Variants in ARHGEF11 observed in about 807,000 individuals in gnomAD.
ARHGEF11 encodes Rho guanine exchange factor (GEF) 11.
Under a neutral mutation model 193.7 loss-of-function variants are expected in ARHGEF11, and 55 were observed. The ratio of observed to expected loss-of-function variants is 0.28; its 90% CI spans 0.23 to 0.36. The LOEUF is 0.36. ARHGEF11 is among the 10% of genes least tolerant of loss of function. ARHGEF11 has a pLI of 1.00. For missense variants in ARHGEF11, 1,723 were observed against 2,005.6 expected (o/e 0.86, Z 2.69); for synonymous variants, 693 against 768.0 (o/e 0.90, Z 1.62).
intron 13 of ARHGEF11, 147 bp downstream of exon 13, chr1:156,963,056 T>A (rs1195672276): frequency 1.5e-6 from 1 of 650,928 alleles, no homozygotes; most frequent in African/African-American, 1.8e-5. Flanking sequence ...ATAGGTTTCA[T>A]CTTCTTGGCT....
At chr1:156,955,669 G>C (rs749850569) in intron 20 of ARHGEF11, 34 bp downstream of exon 20, 2 of 1,543,866 alleles carry the variant, frequency 1.3e-6, no homozygotes, top group Non-Finnish European at 1.8e-6. Context: ...CCTGCCCAAG[G>C]AATGCCCAAG....
chr1:156,948,797 G>A lies in ARHGEF11; in HGVS notation c.1926-299C>T. 1 of 985,452 alleles carries A rather than the reference G, an allele frequency of 1.0e-6. No homozygotes were observed. Among genetic ancestry groups the A allele is most frequent in the Non-Finnish European group, 1.2e-6 (1 of 829,940 alleles). The allele number at this position is 985,452 out of a possible 1,614,324, so 61.0% of individuals were successfully genotyped here. A position where few individuals can be genotyped will look rare whatever the true frequency, so the allele number is the denominator to read the frequency against. ...ATGAAATCTGGGGCTAACAGACTCTGAGTTGTAGTGTGTCCAGAGGCCTGA... is the reference window on the plus strand; with the variant it reads ...ATGAAATCTGGGGCTAACAGACTCTAAGTTGTAGTGTGTCCAGAGGCCTGA... On this transcript the variant is annotated intron_variant, in intron 22 of 40. Coordinates refer to ENST00000368194, the MANE Select transcript of ARHGEF11 (RefSeq NM_198236.3). This position sits in a 1 kb window ranked among gnomAD's most constrained non-coding sequence, Gnocchi z 4.2.
chr1:157,016,560 G>T (rs1417671177), intron 1 of ARHGEF11, among the ~76,000 whole-genome samples: 1 of 152,080 alleles, frequency 6.6e-6, no homozygotes, highest in African/African-American at 2.4e-5. Context: ...CTGTTGTTAG[G>T]TTGTTTGGCG....
At chr1:157,001,538 A>C (rs1294760457) in intron 1 of ARHGEF11, among the ~76,000 whole-genome samples, 1 of 152,202 alleles carries the variant, frequency 6.6e-6, no homozygotes, top group Non-Finnish European at 1.5e-5. Context: ...AACCCCAAGC[A>C]ACAAACTCAA....
In ARHGEF11 at chr1:156,944,074, G is replaced by C; in HGVS notation, c.3096C>G (p.Leu1032=). The change falls in exon 32 of 41, where the codon CTC becomes CTG. Residue 1032 remains leucine (L), a synonymous_variant. Coordinates refer to ENST00000368194, the MANE Select transcript of ARHGEF11 (RefSeq NM_198236.3). ...LDLHVLLLED[L]LVLLQKQDEK... ...CATCCTGTTTCTGTAGCAGCACTAG[G>C]AGGTCCTCCAGCAGCAGCACGTGGA... The C allele has an allele frequency of 6.2e-7, 1 of 1,614,068 alleles. No individual in the cohort carries two copies. Among genetic ancestry groups the C allele is most frequent in the South Asian group, 1.1e-5 (1 of 91,078 alleles).
chr1:156,936,234 C>T, intron 40 of ARHGEF11, 176 bp from the exon 41 acceptor site: 1 of 789,640 alleles, frequency 1.3e-6, no homozygotes, highest in Non-Finnish European at 2.3e-6. Context: ...CCACTTTCAT[C>T]AGCGCCTAAA....
intron 21 of ARHGEF11, among the ~76,000 whole-genome samples, chr1:156,954,540 C>T (rs1659661517): frequency 6.6e-6 from 1 of 152,192 alleles, no homozygotes; most frequent in South Asian, 2.1e-4. Context: ...AGAGAAAAGG[C>T]CTCAGGCTAT....
At chr1:157,016,186 G>T (rs970293018) in intron 1 of ARHGEF11, among the ~76,000 whole-genome samples, 1 of 152,082 alleles carries the variant, frequency 6.6e-6, no homozygotes, top group African/African-American at 2.4e-5. Flanking sequence ...CATGGTCAGC[G>T]AGCAACAAAA....
At chr1:156,998,725 T>C (rs1292082115) in intron 1 of ARHGEF11, among the ~76,000 whole-genome samples, 1 of 152,214 alleles carries the variant, frequency 6.6e-6, no homozygotes, top group Non-Finnish European at 1.5e-5. Context: ...TTATCTAATA[T>C]AGATGCAACC....
intron 7 of ARHGEF11, among the ~76,000 whole-genome samples, chr1:156,975,121 C>T (rs553320680): frequency 2.0e-5 from 3 of 152,330 alleles, no homozygotes; most frequent in Admixed American, 2.0e-4. Context: ...CTATTTTACA[C>T]TCCCACCATC....
Position 156,948,176 on chromosome 1 carries a change from C to G in ARHGEF11, c.2153+5G>C. On this transcript the variant is annotated splice_donor_5th_base_variant and intron_variant, in intron 24 of 40. Transcript: ENST00000368194. This position sits in a 1 kb window ranked among gnomAD's most constrained non-coding sequence, Gnocchi z 4.2. Reference sequence around the variant, plus strand: ...AACAGAGGCACCACCGTGCCCATCACTTACCTGCGGCCCATTTTGGGAGTG... The same window carrying G: ...AACAGAGGCACCACCGTGCCCATCAGTTACCTGCGGCCCATTTTGGGAGTG... 1 of 1,562,198 alleles carries G rather than the reference C, an allele frequency of 6.4e-7. No individual in the cohort carries two copies.
At chr1:156,936,105 C>T (rs768971643) in intron 40 of ARHGEF11, 47 bp from the exon 41 acceptor site, 23 of 1,574,122 alleles carry the variant, frequency 1.5e-5, no homozygotes, top group African/African-American at 5.4e-5. Flanking sequence ...CTGAGGTGAC[C>T]GCTTCCACAT....
In ARHGEF11 at chr1:156,974,457, T is replaced by C. The variant is rs540708899; in HGVS notation, c.582+2526A>G. ...GCCTTCTGATTATTGCATAAATAAT[T>C]ATGCTTTGTTTTGGACTTTAAGAGC... is the stretch of plus-strand genomic sequence containing the variant. On this transcript the variant is annotated intron_variant, in intron 7 of 40. Coordinates refer to ENST00000368194, the MANE Select transcript of ARHGEF11 (RefSeq NM_198236.3). 4.6e-5 allele frequency among the ~76,000 whole-genome samples: 7 copies of C among 152,330 alleles called. No individual in the cohort carries two copies. In the South Asian group the frequency reaches 1.2e-3, roughly 27 times the overall value.
At position 157,044,574 on chromosome 1, in the gene ARHGEF11, A is replaced by G. The variant is rs1452353172; in HGVS notation, c.-244T>C. 1 of 479,570 alleles carries G rather than the reference A, an allele frequency of 2.1e-6. No individual in the cohort carries two copies. Among genetic ancestry groups the G allele is most frequent in the Non-Finnish European group, 3.7e-6 (1 of 271,266 alleles). The allele number at this position is 479,570 out of a possible 1,614,324, so 29.7% of individuals were successfully genotyped here. A position where few individuals can be genotyped will look rare whatever the true frequency, so the allele number is the denominator to read the frequency against. On this transcript the variant is annotated 5_prime_UTR_variant, in exon 1 of 41. Transcript: ENST00000368194. ...TTTAAAAAAAAAGAAAAGAAAAGAAAAAAGAAAAAAAAAGGAAAAGAGGAA... is the reference window on the plus strand; with the variant it reads ...TTTAAAAAAAAAGAAAAGAAAAGAAGAAAGAAAAAAAAAGGAAAAGAGGAA...
intron 1 of ARHGEF11, among the ~76,000 whole-genome samples, chr1:157,034,272 G>A (rs751983884): frequency 2.0e-5 from 3 of 152,146 alleles, no homozygotes; most frequent in Non-Finnish European, 4.4e-5. Flanking sequence ...GCAGTCTCTT[G>A]GGGGGAAGTT....
rs1319029687 is a variant in ARHGEF11, at chr1:156,958,690, T to A, written c.1502+52A>T. The A allele has an allele frequency of 1.9e-6, 3 of 1,610,388 alleles. No homozygotes were observed. In the East Asian group the frequency reaches 6.7e-5, roughly 36 times the overall value. ...GTTGAAAGAACAGACCCACAAAATA[T>A]GTCAACCTGCTTAGGATGTTCAGTG... On this transcript the variant is annotated intron_variant, in intron 17 of 40. Coordinates refer to ENST00000368194, the MANE Select transcript of ARHGEF11 (RefSeq NM_198236.3).
rs1404161521 is a variant in ARHGEF11, at chr1:157,045,593, G to A, written c.-1263C>T. ...GCAGGAGCCCGCAGTGCCTCGCGCA[G>A]GACGCCCGGCCGGGCCTCGGGCTCC... On this transcript the variant is annotated 5_prime_UTR_variant, in exon 1 of 41. Transcript: ENST00000368194. Among the ~76,000 whole-genome samples, 1 of 151,716 alleles carries A rather than the reference G, an allele frequency of 6.6e-6. No individual in the cohort carries two copies. Among genetic ancestry groups the A allele is most frequent in the Non-Finnish European group, 1.5e-5 (1 of 67,850 alleles).
intron 1 of ARHGEF11, among the ~76,000 whole-genome samples, chr1:157,005,908 A>G (rs1274636224): frequency 6.6e-6 from 1 of 152,152 alleles, no homozygotes; most frequent in Non-Finnish European, 1.5e-5. Context: ...TTCCCCAACT[A>G]AGCTGCAAAC....
chr1:157,020,433 G>T (rs1224925678), intron 1 of ARHGEF11, among the ~76,000 whole-genome samples: 1 of 152,144 alleles, frequency 6.6e-6, no homozygotes, highest in Non-Finnish European at 1.5e-5. Context: ...GGTAATATAA[G>T]GCTGTCCCAA....
Sources: gnomAD v4.1 joint callset for allele counts (sites outside exome capture counted in the v4.1 genomes callset) on GRCh38, gnomAD v4.1.1 for gene constraint, Gnocchi (gnomAD v3.1) non-coding constraint, MANE v1.5 for transcripts, NCBI Gene and HGNC (gene_info 2026-07-23, HGNC 2026-07-21) for gene names.